Variants in GPC3 observed in about 807,000 individuals in gnomAD.
The protein encoded by GPC3 is glypican-3.
Under a neutral mutation model 34.4 loss-of-function variants are expected in GPC3, and 3 were observed. That is an observed-to-expected ratio of 0.09 (90% CI 0.04 to 0.23). The LOEUF is 0.23. Among genes scored for constraint, GPC3 ranks in the 10% least tolerant of loss-of-function variants. The pLI is 1.00. For synonymous variants in GPC3, 177 were observed against 174.0 expected (o/e 1.02, Z -0.13); for missense variants, 351 against 445.6 (o/e 0.79, Z 1.91).
chrX:133,799,096 C>T (rs943057562), intron 2 of GPC3, among the ~76,000 whole-genome samples: 2 of 112,057 alleles, frequency 1.8e-5, no homozygotes, highest in African/African-American at 3.2e-5. Flanking sequence ...CACAGTTGCA[C>T]GATCCTGAAG....
At chrX:133,749,225 C>A (rs2071637745) in intron 3 of GPC3, among the ~76,000 whole-genome samples, 1 of 112,340 alleles carries the variant, frequency 8.9e-6, no homozygotes, top group Admixed American at 9.4e-5. Context: ...CGAGCCACTG[C>A]ACTCCAGCCT....
At chrX:133,659,138 G>T (rs1293194251) in intron 6 of GPC3, among the ~76,000 whole-genome samples, 1 of 111,990 alleles carries the variant, frequency 8.9e-6, no homozygotes. Context: ...ATATACACTG[G>T]AGTTTTTGAT....
intron 2 of GPC3, among the ~76,000 whole-genome samples, chrX:133,834,744 T>C (rs982363837): frequency 8.9e-6 from 1 of 112,248 alleles, no homozygotes; most frequent in Non-Finnish European, 1.9e-5. Flanking sequence ...TCAACCCTTA[T>C]GTAGAAGGTC....
chrX:133,850,194 G>GTTTTTTTTTTT (rs749809263), intron 2 of GPC3, among the ~76,000 whole-genome samples: 2 of 68,007 alleles, frequency 2.9e-5, no homozygotes, highest in African/African-American at 5.7e-5. Context: ...TTTGGGTTTT[G>GTTTTTTTTTTT]TTTTTTTTTT....
At position 133,703,670 on chromosome X, in the gene GPC3, T is replaced by C. The variant is rs188231645; in HGVS notation, c.1033-3642A>G. Among the ~76,000 whole-genome samples the C allele has an allele frequency of 5.7e-3, 634 of 111,437 alleles. 3 individuals carry two copies. The highest frequency in any genetic ancestry group is 0.018 in the African/African-American group (546 of 30,682). ...AGAGACAGTGTTTCACCGTGTTAGC[T>C]AGGATGGTCTTGATCTCCTGACCTC... is the stretch of plus-strand genomic sequence containing the variant. On this transcript the variant is annotated intron_variant, in intron 3 of 7. Coordinates refer to ENST00000370818, the MANE Select transcript of GPC3 (RefSeq NM_004484.4).
chrX:133,588,713 G>A (rs1177584843), intron 7 of GPC3, among the ~76,000 whole-genome samples: 7 of 110,498 alleles, frequency 6.3e-5, no homozygotes, highest in African/African-American at 2.3e-4. Flanking sequence ...ACTTGATCCA[G>A]TAAAAATAAA....
chrX:133,584,526 C>T (rs111978816), intron 7 of GPC3, among the ~76,000 whole-genome samples: 7,065 of 111,674 alleles, frequency 0.063, 570 homozygotes, highest in African/African-American at 0.22. Context: ...TCACCCAGGC[C>T]GAAGTGCAGT....
chrX:133,874,536 G>A (rs1394270526), intron 2 of GPC3, among the ~76,000 whole-genome samples: 2 of 111,871 alleles, frequency 1.8e-5, no homozygotes, highest in Non-Finnish European at 3.8e-5. Flanking sequence ...AGAAACAGCT[G>A]TAAGCCACAG....
intron 2 of GPC3, among the ~76,000 whole-genome samples, chrX:133,892,912 T>C (rs1018286362): frequency 9.0e-6 from 1 of 111,692 alleles, no homozygotes; most frequent in African/African-American, 3.3e-5. Flanking sequence ...TTATTAGATA[T>C]CCAAATATCT....
intron 2 of GPC3, among the ~76,000 whole-genome samples, chrX:133,895,896 C>G (rs2013609463): frequency 9.0e-6 from 1 of 111,662 alleles, no homozygotes; most frequent in South Asian, 3.8e-4. Context: ...CTAAGCTTCT[C>G]CACCCTTGGA....
At chrX:133,796,188 G>A (rs779712151) in intron 2 of GPC3, among the ~76,000 whole-genome samples, 164 of 110,944 alleles carry the variant, frequency 1.5e-3, no homozygotes, top group African/African-American at 5.0e-3. Context: ...CTCGTGATCT[G>A]CCCGCCTTGG....
intron 2 of GPC3, among the ~76,000 whole-genome samples, chrX:133,910,359 G>A (rs911643212): frequency 4.5e-5 from 5 of 111,352 alleles, no homozygotes; most frequent in Non-Finnish European, 9.4e-5. Context: ...GCATCAAAAT[G>A]GCAGATCAAT....
intron 7 of GPC3, among the ~76,000 whole-genome samples, chrX:133,570,493 G>T (rs1001520145): frequency 1.8e-5 from 2 of 112,814 alleles, no homozygotes; most frequent in African/African-American, 3.2e-5. Flanking sequence ...GAGCCACTGT[G>T]CCCAGCAGAA....
chrX:133,677,204 G>GC (rs1186841883), intron 5 of GPC3, among the ~76,000 whole-genome samples: 3 of 111,651 alleles, frequency 2.7e-5, no homozygotes, highest in African/African-American at 9.8e-5. Flanking sequence ...CAACCTACCT[G>GC]CTCCCCTGTA....
intron 2 of GPC3, among the ~76,000 whole-genome samples, chrX:133,864,575 C>T (rs1192195112): frequency 8.9e-6 from 1 of 112,116 alleles, no homozygotes; most frequent in Non-Finnish European, 1.9e-5. Context: ...ATACCCAATG[C>T]TCACATGTCC....
At chrX:133,550,141 A>G in intron 7 of GPC3, among the ~76,000 whole-genome samples, 1 of 108,878 alleles carries the variant, frequency 9.2e-6, no homozygotes, top group Non-Finnish European at 1.9e-5. Context: ...TCAGCCTCCC[A>G]AGTAGCTGGG....
At chrX:133,869,305 C>T (rs986406763) in intron 2 of GPC3, among the ~76,000 whole-genome samples, 7 of 111,913 alleles carry the variant, frequency 6.3e-5, no homozygotes, top group African/African-American at 1.9e-4. Flanking sequence ...AGATACATGG[C>T]GCCTAGGAAG....
At chrX:133,856,427 T>C (rs1455520983) in intron 2 of GPC3, among the ~76,000 whole-genome samples, 1 of 111,001 alleles carries the variant, frequency 9.0e-6, no homozygotes, top group African/African-American at 3.3e-5. Context: ...ATAAAAACAT[T>C]TAAAAGAACA....
chrX:133,923,281 A>C (rs1487155496), intron 2 of GPC3, among the ~76,000 whole-genome samples: 1 of 111,957 alleles, frequency 8.9e-6, no homozygotes, highest in Admixed American at 9.5e-5. Flanking sequence ...AGTGAAAGTA[A>C]AAATCAAACT....
Sources: gnomAD v4.1 joint callset for allele counts (sites outside exome capture counted in the v4.1 genomes callset) on GRCh38, gnomAD v4.1.1 for gene constraint, MANE v1.5 for transcripts, NCBI Gene and HGNC (gene_info 2026-07-23, HGNC 2026-07-21) for gene names.